Variants in CNTNAP4 observed in about 807,000 individuals in gnomAD.
The protein encoded by CNTNAP4 is contactin-associated protein-like 4.
CNTNAP4 carries 98 observed loss-of-function variants against 148.4 expected under a neutral mutation model. The observed-to-expected ratio is 0.66, with a 90% CI of 0.56 to 0.78. CNTNAP4 has a LOEUF of 0.78. CNTNAP4 is among the 30% of genes least tolerant of loss of function. The pLI is 0.00. For missense variants in CNTNAP4, 1,935 were observed against 1,565.6 expected, an observed-to-expected ratio of 1.24 and a Z score of -3.98; for synonymous variants, 730 against 565.1, an observed-to-expected ratio of 1.29 and a Z score of -4.14.
intron 21 of CNTNAP4, among the ~76,000 whole-genome samples, chr16:76,548,245 G>T (rs1350145888): frequency 6.9e-6 from 1 of 144,790 alleles, no homozygotes; most frequent in Non-Finnish European, 1.5e-5. Flanking sequence ...GCATAAAATA[G>T]TAAGAGTGCA....
intron 17 of CNTNAP4, among the ~76,000 whole-genome samples, chr16:76,533,183 A>C (rs2084060626): frequency 6.6e-6 from 1 of 152,178 alleles, no homozygotes; most frequent in Admixed American, 6.5e-5. Context: ...CCTGTCACTC[A>C]CAGCAACATG....
rs117186992 is a variant in CNTNAP4, at chr16:76,439,280, C to G, written c.539-8732C>G. Among the ~76,000 whole-genome samples the G allele has an allele frequency of 1.1e-3, 172 of 152,258 alleles. 2 individuals are homozygous for G. The East Asian group carries it at 0.026, about 23-fold the overall frequency. On this transcript the variant is annotated intron_variant, in intron 4 of 23. Transcript: ENST00000611870. ...AAATCACAAATGTATTACATTCATA[C>G]AGCAGTAGTTGATCAAAAGAGAGAT...
chr16:76,397,931 T>A (rs1224479613), intron 3 of CNTNAP4, among the ~76,000 whole-genome samples: 1 of 96,988 alleles, frequency 1.0e-5, no homozygotes, highest in African/African-American at 3.7e-5. Context: ...GGGACAGAAC[T>A]AATAGATTAT....
At chr16:76,280,037 C>T (rs537913838) in intron 1 of CNTNAP4, among the ~76,000 whole-genome samples, 3 of 152,132 alleles carry the variant, frequency 2.0e-5, no homozygotes, top group South Asian at 4.2e-4. Context: ...ATAATGACTC[C>T]AATAATTCTT....
chr16:76,321,288 A>G (rs1276833475), intron 2 of CNTNAP4, among the ~76,000 whole-genome samples: 1 of 152,232 alleles, frequency 6.6e-6, no homozygotes, highest in Non-Finnish European at 1.5e-5. Context: ...AAGAATAATT[A>G]TAGCAATCTA....
intron 21 of CNTNAP4, among the ~76,000 whole-genome samples, chr16:76,541,044 A>C (rs1244320084): frequency 1.3e-5 from 2 of 152,204 alleles, no homozygotes; most frequent in Non-Finnish European, 2.9e-5. Flanking sequence ...AAGTATAATG[A>C]AATATGGTAT....
rs570306162 is a variant in CNTNAP4, at chr16:76,452,632, G to A, written c.1196G>A (p.Arg399Gln). ...EEEVSATFQF[R>Q]TWNKAGLLLF... Reference sequence around the variant, plus strand: ...GAGGTTTCTGCCACTTTTCAATTTCGAACTTGGAATAAGGCAGGGCTTCTG... The same window carrying A: ...GAGGTTTCTGCCACTTTTCAATTTCAAACTTGGAATAAGGCAGGGCTTCTG... The change falls in exon 8 of 24, where the codon CGA becomes CAA. Residue 399 changes from arginine (R) to glutamine (Q), a missense_variant. Transcript: ENST00000611870. 8.7e-6 allele frequency: 14 copies of A among 1,613,812 alleles called. No individual in the cohort carries two copies. Among genetic ancestry groups the A allele is most frequent in the South Asian group, 2.2e-5 (2 of 91,076 alleles).
At chr16:76,333,219 A>G (rs1328435357) in intron 2 of CNTNAP4, among the ~76,000 whole-genome samples, 1 of 152,168 alleles carries the variant, frequency 6.6e-6, no homozygotes, top group Non-Finnish European at 1.5e-5. Context: ...TGTAGGCCCC[A>G]TGAGATGTTT....
intron 3 of CNTNAP4, among the ~76,000 whole-genome samples, chr16:76,402,332 A>G (rs754349513): frequency 6.6e-6 from 1 of 151,350 alleles, no homozygotes; most frequent in Non-Finnish European, 1.5e-5. Flanking sequence ...AGGTGTTCAG[A>G]GTAGTTTCTG....
Position 76,448,265 on chromosome 16 carries a change from C to T in CNTNAP4, c.742+50C>T, listed in dbSNP as rs57938351. ...AAAAATCTGATTATTTAGATATCACCTAAGTCACTTTATGCTTTTATAGCT... is the reference window on the plus strand; with the variant it reads ...AAAAATCTGATTATTTAGATATCACTTAAGTCACTTTATGCTTTTATAGCT... On this transcript the variant is annotated intron_variant, in intron 5 of 23. Transcript: ENST00000611870. 2.4e-3 allele frequency: 3,208 copies of T among 1,324,432 alleles called. 62 individuals are homozygous for T. In the African/African-American group the frequency reaches 0.039, roughly 16 times the overall value. 82.0% of individuals were successfully genotyped at this position (1,324,432 alleles called of 1,614,324 possible). A position where few individuals can be genotyped will look rare whatever the true frequency, so the allele number is the denominator to read the frequency against.
chr16:76,552,713 C>T (rs900723856), intron 21 of CNTNAP4, among the ~76,000 whole-genome samples: 5 of 152,172 alleles, frequency 3.3e-5, no homozygotes, highest in East Asian at 1.9e-4. Context: ...CTAATAACTT[C>T]GAGGTATGGC....
chr16:76,491,915 C>T (rs576921246), intron 13 of CNTNAP4, among the ~76,000 whole-genome samples: 2 of 152,048 alleles, frequency 1.3e-5, no homozygotes, highest in African/African-American at 2.4e-5. Flanking sequence ...TAGGTTTTTC[C>T]GTATCTTGGC....
intron 1 of CNTNAP4, among the ~76,000 whole-genome samples, chr16:76,314,425 C>G (rs1156847211): frequency 6.6e-6 from 1 of 152,094 alleles, no homozygotes; most frequent in Non-Finnish European, 1.5e-5. Context: ...TGCGGTCACC[C>G]TTGGTACAAA....
intron 3 of CNTNAP4, among the ~76,000 whole-genome samples, chr16:76,361,150 A>G (rs1458138629): frequency 6.6e-6 from 1 of 152,046 alleles, no homozygotes; most frequent in Non-Finnish European, 1.5e-5. Context: ...TTAAAAAAAA[A>G]CTTAACATGA....
At chr16:76,359,088 G>C (rs2013079319) in intron 3 of CNTNAP4, among the ~76,000 whole-genome samples, 1 of 152,078 alleles carries the variant, frequency 6.6e-6, no homozygotes, top group African/African-American at 2.4e-5. Context: ...ACTTCAATTT[G>C]CATTTTTTAA....
At chr16:76,499,353 C>A (rs1036218219) in intron 15 of CNTNAP4, among the ~76,000 whole-genome samples, 1 of 151,940 alleles carries the variant, frequency 6.6e-6, no homozygotes, top group Non-Finnish European at 1.5e-5. Flanking sequence ...TCTGAATGTT[C>A]TCCAGCCACT....
Position 76,539,852 on chromosome 16 carries a change from G to A in CNTNAP4, c.3354G>A (p.Glu1118=). The change falls in exon 20 of 24, where the codon GAG becomes GAA. Residue 1118 remains glutamate (E), a splice_region_variant and synonymous_variant. Coordinates refer to ENST00000611870, the MANE Select transcript of CNTNAP4 (RefSeq NM_033401.5). ...GAGAAGAAGGAGTGGTCTTTATAGA[G>A]GTAATGTAGTAAATTCAGCAGAAGC... ...INREEGVVFI[E]IDDNRRRQVH... The A allele has an allele frequency of 6.4e-7, 1 of 1,571,418 alleles. No individual in the cohort carries two copies. The highest frequency in any genetic ancestry group is 8.6e-7 in the Non-Finnish European group (1 of 1,165,392).
At chr16:76,478,069 T>C (rs958208903) in intron 11 of CNTNAP4, among the ~76,000 whole-genome samples, 8 of 152,156 alleles carry the variant, frequency 5.3e-5, no homozygotes, top group Non-Finnish European at 7.4e-5. Flanking sequence ...ATGGAGTTTG[T>C]TAAAAAGCCT....
At chr16:76,397,945 C>T (rs12445516) in intron 3 of CNTNAP4, among the ~76,000 whole-genome samples, 18,737 of 22,894 alleles carry the variant, frequency 0.82, 7,359 homozygotes, top group Middle Eastern at 0.86. Context: ...AGATTATATA[C>T]ATATATATAT....
Sources: allele counts gnomAD v4.1 joint callset (sites outside exome capture counted in the v4.1 genomes callset), GRCh38; gene constraint gnomAD v4.1.1; transcripts MANE v1.5; gene names NCBI Gene and HGNC (gene_info 2026-07-23, HGNC 2026-07-21).